FANK1: variants seen among roughly 807,000 people sequenced by gnomAD.
FANK1 encodes fibronectin type 3 and ankyrin repeat domains protein 1.
Under a neutral mutation model 45.3 loss-of-function variants are expected in FANK1, and 44 were observed. That is an observed-to-expected ratio of 0.97 (90% CI 0.76 to 1.25). The LOEUF (loss-of-function observed/expected upper bound fraction) is 1.25. FANK1 is among the 50% of genes most tolerant of loss of function. The probability of loss-of-function intolerance (pLI) is 0.00; values close to 1 mark genes in which losing one functional copy is unlikely to be tolerated. For synonymous variants in FANK1, 149 were observed against 152.5 expected (o/e 0.98, Z 0.17); for missense variants, 391 against 424.4 (o/e 0.92, Z 0.69).
rs564991945 is a variant in FANK1 at position 125,967,410 on chromosome 10, TAA to T, written c.14-12749_14-12748del. Among the ~76,000 whole-genome samples, 28 of 152,298 alleles carry T rather than the reference TAA, an allele frequency of 1.8e-4. No individual in the cohort carries two copies. The South Asian group carries it at 2.5e-3, about 14-fold the overall frequency. On this transcript the variant is annotated intron_variant, in intron 1 of 10. Transcript: ENST00000368693. Reference sequence around the variant, plus strand: ...TGTTGTGAAGATTAAATAGTATATGTAAAGAGTTTAGAACACTCATACAAAGT... The same window carrying T: ...TGTTGTGAAGATTAAATAGTATATGTAGAGTTTAGAACACTCATACAAAGT...
chr10:126,008,418 G>A lies in FANK1; in HGVS notation c.717G>A (p.Val239=). The A allele has an allele frequency of 6.2e-7, 1 of 1,604,228 alleles. No individual in the cohort carries two copies. The highest frequency in any genetic ancestry group is 8.5e-7 in the Non-Finnish European group (1 of 1,176,162). Residue 239 remains valine (V), a synonymous_variant, in exon 8 of 11, where the codon GTG becomes GTA. Transcript: ENST00000368693. The part of the protein sequence containing the change: ...MIKDGCEVDV[V]DTGSGWTPLM... Reference sequence around the variant, plus strand: ...CTCTGGCCCAACAGGTAGACGTCGTGGACACTGGTTCAGGATGGACCCCAC... The same window carrying A: ...CTCTGGCCCAACAGGTAGACGTCGTAGACACTGGTTCAGGATGGACCCCAC...
intron 1 of FANK1, among the ~76,000 whole-genome samples, chr10:125,976,109 T>G (rs1045426082): frequency 2.0e-5 from 3 of 148,570 alleles, no homozygotes; most frequent in African/African-American, 7.4e-5. Flanking sequence ...TATGAAATTA[T>G]TGGTTGAAGA....
chr10:125,961,128 A>G (rs1352478237), intron 1 of FANK1, among the ~76,000 whole-genome samples: 2 of 152,142 alleles, frequency 1.3e-5, no homozygotes, highest in Non-Finnish European at 2.9e-5. Context: ...ATTTTTTGAG[A>G]CAGTGTCTCA....
chr10:125,946,591 A>G (rs1948818063), intron 1 of FANK1, among the ~76,000 whole-genome samples: 1 of 151,306 alleles, frequency 6.6e-6, no homozygotes, highest in Non-Finnish European at 1.5e-5. Context: ...AAAGCCTCCA[A>G]GAAATATGGG....
chr10:125,919,581 A>C lies in FANK1; in HGVS notation c.13+22926A>C, dbSNP rs149390474. On this transcript the variant is annotated intron_variant, in intron 1 of 10. Coordinates refer to ENST00000368693, the MANE Select transcript of FANK1 (RefSeq NM_145235.5). ...AGACTCATTTCTTTGAATAAGGCAG[A>C]ATACTAAAGACTAGCCAGCCCTGAG... is the stretch of plus-strand genomic sequence containing the variant. Among the ~76,000 whole-genome samples, 694 of 152,082 alleles carry C rather than the reference A, an allele frequency of 4.6e-3. 3 individuals are homozygous for C. Among genetic ancestry groups the C allele is most frequent in the African/African-American group, 0.015 (639 of 41,458 alleles).
intron 1 of FANK1, among the ~76,000 whole-genome samples, chr10:125,949,785 C>T (rs1230929992): frequency 1.3e-5 from 2 of 149,518 alleles, no homozygotes; most frequent in African/African-American, 4.9e-5. Flanking sequence ...CATATGGAAC[C>T]AAAAAAGAGC....
intron 3 of FANK1, among the ~76,000 whole-genome samples, chr10:125,989,790 A>G (rs572344102): frequency 6.6e-6 from 1 of 152,252 alleles, no homozygotes; most frequent in Non-Finnish European, 1.5e-5. Flanking sequence ...AAGACAGCAG[A>G]ACATGAGCTC....
At chr10:125,910,754 G>T (rs1467032823) in intron 1 of FANK1, among the ~76,000 whole-genome samples, 1 of 151,740 alleles carries the variant, frequency 6.6e-6, no homozygotes, top group Non-Finnish European at 1.5e-5. Context: ...ATGTCCACAG[G>T]CTGGGTGCGG....
rs66624013 is a variant in FANK1 at position 125,962,987 on chromosome 10, GTT to G, written c.14-17160_14-17159del. Among the ~76,000 whole-genome samples the G allele has an allele frequency of 2.6e-3, 364 of 140,730 alleles. 2 individuals are homozygous for G. The highest frequency in any genetic ancestry group is 8.8e-3 in the African/African-American group (335 of 38,230). 92.3% of individuals were successfully genotyped at this position (140,730 alleles called of 152,430 possible). Reference sequence around the variant, plus strand: ...TTGATACATTATTATTATTACTGTGGTTTTTTTTTTTTTTTCAGATGGAGTCT... The same window carrying G: ...TTGATACATTATTATTATTACTGTGGTTTTTTTTTTTTTCAGATGGAGTCT... On this transcript the variant is annotated intron_variant, in intron 1 of 10. Coordinates refer to ENST00000368693, the MANE Select transcript of FANK1 (RefSeq NM_145235.5).
At chr10:125,918,705 TC>T (rs1946694374) in intron 1 of FANK1, among the ~76,000 whole-genome samples, 1 of 150,196 alleles carries the variant, frequency 6.7e-6, no homozygotes, top group Admixed American at 6.7e-5. Context: ...ATTTCACTAA[TC>T]CTTAGAACAA....
intron 1 of FANK1, among the ~76,000 whole-genome samples, chr10:125,900,589 T>C (rs867648477): frequency 1.3e-5 from 2 of 152,124 alleles, no homozygotes; most frequent in Non-Finnish European, 2.9e-5. Context: ...ATTTTAAAAA[T>C]CCAGCAGGCA....
chr10:126,005,164 A>C, intron 7 of FANK1, 115 bp downstream of exon 7: 1 of 1,306,112 alleles, frequency 7.7e-7, no homozygotes, highest in Non-Finnish European at 1.0e-6. Context: ...TGCTGGAGAA[A>C]GTTTTCTGAC....
intron 1 of FANK1, among the ~76,000 whole-genome samples, chr10:125,934,722 CCGTTTTT>C (rs1367955277): frequency 1.6e-5 from 2 of 122,976 alleles, no homozygotes; most frequent in African/African-American, 6.4e-5. Context: ...TGTACCCCTA[CCGTTTTT>C]TTTTTTTTTT....
At chr10:125,934,407 T>G (rs1947941391) in intron 1 of FANK1, among the ~76,000 whole-genome samples, 1 of 152,150 alleles carries the variant, frequency 6.6e-6, no homozygotes, top group Non-Finnish European at 1.5e-5. Flanking sequence ...CTTATAGCAC[T>G]GGCTGAGGGC....
At chr10:125,979,944 A>G (rs1482745631) in intron 1 of FANK1, 5 of 634,126 alleles carry the variant, frequency 7.9e-6, no homozygotes, top group South Asian at 3.3e-5. Flanking sequence ...GCATGGTACA[A>G]TATATGCTTG....
chr10:125,998,796 C>A (rs1274318099), intron 6 of FANK1, among the ~76,000 whole-genome samples: 1 of 152,050 alleles, frequency 6.6e-6, no homozygotes, highest in Non-Finnish European at 1.5e-5. Context: ...GCAGAAAATT[C>A]GAAATAACCA....
At chr10:125,980,360 T>C (rs781091103) in intron 2 of FANK1, 22 bp downstream of exon 2, 15 of 1,595,032 alleles carry the variant, frequency 9.4e-6, no homozygotes, top group East Asian at 2.2e-5. Context: ...GTTGAATTGC[T>C]TGCCACTTTG....
intron 6 of FANK1, among the ~76,000 whole-genome samples, chr10:126,002,862 AAC>A (rs1200309673): frequency 2.6e-5 from 4 of 151,752 alleles, no homozygotes; most frequent in Non-Finnish European, 4.4e-5. Context: ...GTTTCCTAAA[AAC>A]ACAGTCATTA....
In FANK1 at chr10:126,008,538, G is replaced by C. The variant is rs2133358548; in HGVS notation, c.837G>C (p.Lys279Asn). Residue 279 changes from lysine to asparagine, a missense_variant, in exon 8 of 11, where the codon AAG becomes AAC. Physicochemically the swap from Lys to Asn is moderately conservative, Grantham distance 94 (BLOSUM62 0). Transcript: ENST00000368693. The part of the protein sequence containing the change: ...ANVNVKDRNG[K>N]TPLMVAVLNN... ...TGAATGTGAAGGACAGAAATGGAAA[G>C]ACGCCCCTTATGGTAGGTCCTCCTC... is the stretch of plus-strand genomic sequence containing the variant. 1.2e-6 allele frequency: 2 copies of C among 1,610,606 alleles called. No homozygotes were observed. The highest frequency in any genetic ancestry group is 1.7e-6 in the Non-Finnish European group (2 of 1,179,048).
Sources: gnomAD v4.1 joint callset for allele counts (sites outside exome capture counted in the v4.1 genomes callset) on GRCh38, gnomAD v4.1.1 for gene constraint, MANE v1.5 for transcripts, NCBI Gene and HGNC (gene_info 2026-07-23, HGNC 2026-07-21) for gene names.